Variants in SCARB2 observed in about 807,000 individuals in gnomAD.
The protein encoded by SCARB2 is scavenger receptor class B member 2, also known as lysosome membrane protein 2.
SCARB2 carries 29 observed loss-of-function variants against 58.6 expected under a neutral mutation model. The ratio of observed to expected loss-of-function variants is 0.49; its 90% confidence interval spans 0.37 to 0.67. The LOEUF is 0.67. Ranked by LOEUF, SCARB2 falls within the 30% of genes least tolerant of loss-of-function variation. SCARB2 has a pLI of 0.00. For synonymous variants in SCARB2, 195 were observed against 210.1 expected (o/e 0.93, Z 0.62); for missense variants, 488 against 578.5 (o/e 0.84, Z 1.60).
At chr4:76,208,404 C>T (rs112510800) in intron 1 of SCARB2, among the ~76,000 whole-genome samples, 2,273 of 152,312 alleles carry the variant, frequency 0.015, 63 homozygotes, top group African/African-American at 0.05. Flanking sequence ...ACACTGCCTC[C>T]GTTTACAGTG....
At chr4:76,180,860 T>TAATG (rs1732368257) in intron 3 of SCARB2, 94 bp downstream of exon 3, 3 of 1,078,204 alleles carry the variant, frequency 2.8e-6, no homozygotes, top group Non-Finnish European at 4.0e-6. Flanking sequence ...CAACATAACT[T>TAATG]AATGGCTCCT....
intron 1 of SCARB2, among the ~76,000 whole-genome samples, chr4:76,206,622 A>G (rs1485681998): frequency 6.6e-6 from 1 of 151,824 alleles, no homozygotes; most frequent in Non-Finnish European, 1.5e-5. Flanking sequence ...TTTGAATAAG[A>G]CATTGCATTT....
intron 1 of SCARB2, among the ~76,000 whole-genome samples, chr4:76,210,256 T>C (rs983713518): frequency 6.6e-6 from 1 of 152,226 alleles, no homozygotes; most frequent in Non-Finnish European, 1.5e-5. Context: ...CCTTAGGATT[T>C]GAGGGATTAA....
At chr4:76,197,132 T>A (rs76528603) in intron 1 of SCARB2, among the ~76,000 whole-genome samples, 3,503 of 152,256 alleles carry the variant, frequency 0.023, 121 homozygotes, top group African/African-American at 0.08. Flanking sequence ...ACTTCTAGCA[T>A]CCAGAACTAT....
intron 1 of SCARB2, among the ~76,000 whole-genome samples, chr4:76,227,333 T>C (rs1273391129): frequency 6.6e-6 from 1 of 152,214 alleles, no homozygotes; most frequent in East Asian, 1.9e-4. Context: ...TTAATGTCCA[T>C]TATTTGTACA....
At chr4:76,190,313 T>C (rs1158644571) in intron 2 of SCARB2, among the ~76,000 whole-genome samples, 1 of 152,144 alleles carries the variant, frequency 6.6e-6, no homozygotes, top group Non-Finnish European at 1.5e-5. Flanking sequence ...CCCAGTCTAC[T>C]TGACATTTTA....
chr4:76,208,589 T>C (rs575499586), intron 1 of SCARB2, among the ~76,000 whole-genome samples: 8 of 152,274 alleles, frequency 5.3e-5, no homozygotes, highest in Non-Finnish European at 1.2e-4. Context: ...AGGAAGCCTG[T>C]TGGTGGAGAA....
At chr4:76,207,531 C>A (rs1354851222) in intron 1 of SCARB2, among the ~76,000 whole-genome samples, 1 of 152,168 alleles carries the variant, frequency 6.6e-6, no homozygotes, top group East Asian at 1.9e-4. Context: ...AGCATGTACC[C>A]AAAAGTGCAT....
chr4:76,217,898 A>G (rs939047781), upstream of SCARB2, among the ~76,000 whole-genome samples: 1 of 152,260 alleles, frequency 6.6e-6, no homozygotes, highest in African/African-American at 2.4e-5. Context: ...TCTAAGGGCT[A>G]TCGAGGGGAA....
At chr4:76,191,551 CCT>C (rs1732606109) in intron 2 of SCARB2, among the ~76,000 whole-genome samples, 1 of 152,078 alleles carries the variant, frequency 6.6e-6, no homozygotes, top group Non-Finnish European at 1.5e-5. Flanking sequence ...GCCTGCTCCC[CCT>C]CTCTTACTTC....
rs1473149090 is a variant in SCARB2, at chr4:76,169,832, A to G, written c.1113+35T>C. ...GAACAATGTATAGACAGAATAAAAC[A>G]TATGCTCTTTTACCAGGAGGAAGTA... On this transcript the variant is annotated intron_variant, in intron 8 of 11. Transcript: ENST00000264896. 3 of 1,485,232 alleles carry G rather than the reference A, an allele frequency of 2.0e-6. No homozygotes were observed. In the East Asian group the frequency reaches 6.8e-5, roughly 34 times the overall value. 92.0% of individuals were successfully genotyped at this position (1,485,232 alleles called of 1,614,324 possible). A position where few individuals can be genotyped will look rare whatever the true frequency, so the allele number is the denominator to read the frequency against.
chr4:76,217,754 A>G, upstream of SCARB2: 2 of 498,596 alleles, frequency 4.0e-6, no homozygotes, highest in South Asian at 6.7e-5. Context: ...TGGCAAGGAG[A>G]TACGGTGATC....
chr4:76,202,105 A>G (rs1732838880), intron 1 of SCARB2, among the ~76,000 whole-genome samples: 1 of 152,244 alleles, frequency 6.6e-6, no homozygotes, highest in African/African-American at 2.4e-5. Flanking sequence ...ATTATGATAA[A>G]TTATCAATCT....
chr4:76,174,285 C>A lies in SCARB2; in HGVS notation c.853G>T (p.Glu285Ter). Residue 285 changes from glutamate (E) to a stop codon, truncating the protein, a stop_gained, in exon 7 of 12, where the codon GAG becomes TAG. Transcript: ENST00000264896. LOFTEE classifies it high-confidence loss of function. ...AAGGCAGGCAGTCCCTGTACACTCT[C>A]ATAGTCACTGAAAGTAATATACACT... ...RSVYITFSDY[E>*]SVQGLPAFRY... 1 of 1,614,172 alleles carries A rather than the reference C, an allele frequency of 6.2e-7. No homozygotes were observed. Among genetic ancestry groups the A allele is most frequent in the Non-Finnish European group, 8.5e-7 (1 of 1,180,018 alleles).
intron 1 of SCARB2, among the ~76,000 whole-genome samples, chr4:76,230,508 A>G (rs1368464282): frequency 3.3e-5 from 5 of 152,168 alleles, no homozygotes; most frequent in African/African-American, 7.2e-5. Context: ...ACGATGGGCC[A>G]TGGCTCCTGT....
intron 1 of SCARB2, among the ~76,000 whole-genome samples, chr4:76,211,926 A>C (rs12498327): frequency 0.46 from 69,701 of 151,930 alleles, 17,332 homozygotes; most frequent in East Asian, 0.7. Flanking sequence ...ATGGAGAAAA[A>C]CACTTGGAAA....
At chr4:76,200,009 G>A (rs1399733094) in intron 1 of SCARB2, among the ~76,000 whole-genome samples, 1 of 152,216 alleles carries the variant, frequency 6.6e-6, no homozygotes, top group African/African-American at 2.4e-5. Context: ...GGCAAAGGAA[G>A]GCCTGAGAAA....
Position 76,184,174 on chromosome 4 carries a change from G to A in SCARB2, c.276-3073C>T, listed in dbSNP as rs143687707. On this transcript the variant is annotated intron_variant, in intron 2 of 11. Transcript: ENST00000264896. ...GCCCCACTTCACAGCTGGGGACACA[G>A]AGCACAGGCAGAAGAGTGAGAACTT... 5.4e-3 allele frequency among the ~76,000 whole-genome samples: 822 copies of A among 152,270 alleles called. 4 individuals carry two copies. The highest frequency in any genetic ancestry group is 8.4e-3 in the Non-Finnish European group (574 of 68,022).
intron 6 of SCARB2, 133 bp from the exon 7 acceptor site, chr4:76,174,446 G>A (rs1296281972): frequency 3.9e-6 from 3 of 769,598 alleles, no homozygotes; most frequent in African/African-American, 3.4e-5. Flanking sequence ...GGAATGTTTG[G>A]AAGGCATTCT....
Sources: gnomAD v4.1 joint callset for allele counts (sites outside exome capture counted in the v4.1 genomes callset) on GRCh38, gnomAD v4.1.1 for gene constraint, MANE v1.5 for transcripts, NCBI Gene and HGNC (gene_info 2026-07-23, HGNC 2026-07-21) for gene names.